The following ADGB variants were observed in gnomAD, a reference collection of about 807,000 sequenced individuals.
The protein encoded by ADGB is androglobin.
Under a neutral mutation model 210.5 loss-of-function variants are expected in ADGB, and 172 were observed. That is an observed-to-expected ratio of 0.82 (90% CI 0.72 to 0.93). The LOEUF is 0.93. ADGB is among the 40% of genes least tolerant of loss of function. The probability of loss-of-function intolerance (pLI) is 0.00; values close to 1 mark genes in which losing one functional copy is unlikely to be tolerated. For synonymous variants in ADGB, 658 were observed against 662.7 expected (o/e 0.99, Z 0.11); for missense variants, 2,025 against 1,964.8 (o/e 1.03, Z -0.58).
At chr6:146,717,700 C>T in intron 16 of ADGB, 101 bp downstream of exon 16, 1 of 577,678 alleles carries the variant, frequency 1.7e-6, no homozygotes, top group Non-Finnish European at 2.8e-6. Flanking sequence ...AAACTTGTAA[C>T]ATAGTTATAT....
At chr6:146,744,648 A>AT (rs996676701) in intron 25 of ADGB, among the ~76,000 whole-genome samples, 1 of 151,712 alleles carries the variant, frequency 6.6e-6, no homozygotes. Context: ...TGTTTGCTCT[A>AT]TTTTTTTTCA....
chr6:146,664,273 A>G lies in ADGB; in HGVS notation c.685A>G (p.Thr229Ala). 4 of 1,550,144 alleles carry G rather than the reference A, an allele frequency of 2.6e-6. No homozygotes were observed. Among genetic ancestry groups the G allele is most frequent in the Non-Finnish European group, 3.5e-6 (4 of 1,146,150 alleles). ...AGATAACAATCTATTGCTTCCAGCT[A>G]CAACTTATGAATTTGAACTGTGGCC... Reference protein sequence around the residue: ...DEDNNLLLPATTYEFELWPML... With the variant: ...DEDNNLLLPAATYEFELWPML... Residue 229 changes from threonine (T) to alanine (A), a missense_variant, in exon 6 of 36, where the codon ACA becomes GCA. Thr to Ala is a moderately conservative substitution (Grantham distance 58). Coordinates refer to ENST00000397944, the MANE Select transcript of ADGB (RefSeq NM_024694.4).
At chr6:146,624,057 G>A (rs1280831383) in intron 1 of ADGB, among the ~76,000 whole-genome samples, 1 of 151,626 alleles carries the variant, frequency 6.6e-6, no homozygotes, top group Non-Finnish European at 1.5e-5. Flanking sequence ...GTCTTGTCTG[G>A]TTTTGTTTTT....
intron 26 of ADGB, among the ~76,000 whole-genome samples, chr6:146,748,272 G>A (rs1183884977): frequency 1.3e-5 from 2 of 152,138 alleles, no homozygotes; most frequent in African/African-American, 4.8e-5. Flanking sequence ...CCAGAAGTGA[G>A]ATTATGGCAG....
intron 19 of ADGB, among the ~76,000 whole-genome samples, chr6:146,727,076 G>C (rs1226561133): frequency 1.3e-5 from 2 of 151,128 alleles, no homozygotes. Context: ...TCTTCCCTTG[G>C]TTTTAGATGT....
chr6:146,733,365 A>C, intron 21 of ADGB, 110 bp downstream of exon 21: 1 of 1,122,408 alleles, frequency 8.9e-7, no homozygotes, highest in Non-Finnish European at 1.2e-6. Context: ...GTGGACTGTC[A>C]TGGAGTTCAA....
chr6:146,647,178 T>C (rs1775631691), intron 3 of ADGB, among the ~76,000 whole-genome samples: 1 of 151,564 alleles, frequency 6.6e-6, no homozygotes, highest in Non-Finnish European at 1.5e-5. Flanking sequence ...TTCCTGGGTC[T>C]GATAGTTAAA....
At chr6:146,652,452 T>C (rs1775715974) in intron 3 of ADGB, among the ~76,000 whole-genome samples, 1 of 152,166 alleles carries the variant, frequency 6.6e-6, no homozygotes, top group Non-Finnish European at 1.5e-5. Context: ...ATGCTGCTTG[T>C]ATAGATGAGT....
intron 13 of ADGB, among the ~76,000 whole-genome samples, chr6:146,712,495 T>C (rs941679232): frequency 6.6e-6 from 1 of 151,404 alleles, no homozygotes; most frequent in African/African-American, 2.4e-5. Flanking sequence ...CCCTGGGTTG[T>C]TTTTTTTGTT....
intron 1 of ADGB, among the ~76,000 whole-genome samples, chr6:146,620,241 C>T (rs1019349067): frequency 2.0e-5 from 3 of 152,032 alleles, no homozygotes; most frequent in African/African-American, 7.2e-5. Flanking sequence ...TATGATGTGC[C>T]TTGGGGAATC....
In ADGB at chr6:146,715,417, T is replaced by A; in HGVS notation, c.1741+2T>A. 1 of 1,495,266 alleles carries A rather than the reference T, an allele frequency of 6.7e-7. No homozygotes were observed. Among genetic ancestry groups the A allele is most frequent in the Non-Finnish European group, 8.9e-7 (1 of 1,121,542 alleles). 92.6% of individuals were successfully genotyped at this position (1,495,266 alleles called of 1,614,324 possible). On this transcript the variant is annotated splice_donor_variant, in intron 14 of 35. Coordinates refer to ENST00000397944, the MANE Select transcript of ADGB (RefSeq NM_024694.4). LOFTEE classifies it high-confidence loss of function. ...CTTCACAAGTTATACTTGGAAAAGG[T>A]AAATTAATAATTTTCCTGTGACTTT...
At chr6:146,637,635 C>A (rs1417873477) in intron 2 of ADGB, among the ~76,000 whole-genome samples, 1 of 151,956 alleles carries the variant, frequency 6.6e-6, no homozygotes, top group Non-Finnish European at 1.5e-5. Flanking sequence ...CCAGCCCTAC[C>A]AAATCCTGAA....
At position 146,700,943 on chromosome 6, in the gene ADGB, A is replaced by G. The variant is rs935084272; in HGVS notation, c.1580A>G (p.His527Arg). The G allele has an allele frequency of 3.9e-6, 6 of 1,548,006 alleles. No individual in the cohort carries two copies. Among genetic ancestry groups the G allele is most frequent in the South Asian group, 1.2e-5 (1 of 83,430 alleles). Residue 527 changes from histidine to arginine, a missense_variant and splice_region_variant, in exon 13 of 36, where the codon CAT becomes CGT. By Grantham distance (29) the His-to-Arg change is conservative (BLOSUM62 0). Transcript: ENST00000397944. ...MTPFTIPTEM[H>R]FVRSLIKKGI... is the part of the protein sequence containing the mutation. ...TTGGGGTTTTGTTTTCCTTTTAGGC[A>G]TTTTGTGCGCTCCTTAATTAAGAAA...
intron 33 of ADGB, among the ~76,000 whole-genome samples, chr6:146,800,202 T>C (rs1460752077): frequency 3.9e-5 from 6 of 152,112 alleles, no homozygotes; most frequent in African/African-American, 1.4e-4. Context: ...GGTCATAAAG[T>C]TAAAAATAAT....
chr6:146,617,623 G>T (rs944389866), intron 1 of ADGB, among the ~76,000 whole-genome samples: 2 of 151,500 alleles, frequency 1.3e-5, no homozygotes, highest in African/African-American at 4.9e-5. Context: ...CCTTCTATGC[G>T]CAATTTATGT....
At chr6:146,685,584 T>C (rs1176842760) in intron 9 of ADGB, 150 bp from the exon 10 acceptor site, 2 of 457,276 alleles carry the variant, frequency 4.4e-6, no homozygotes, top group African/African-American at 4.1e-5. Flanking sequence ...CTTTGAGATT[T>C]AACATCTGTT....
At chr6:146,620,060 G>T (rs1359308884) in intron 1 of ADGB, among the ~76,000 whole-genome samples, 2 of 152,046 alleles carry the variant, frequency 1.3e-5, no homozygotes, top group Non-Finnish European at 2.9e-5. Flanking sequence ...CTTACTGTTT[G>T]GCAGTATTTT....
rs540765192 is a variant in ADGB at position 146,614,989 on chromosome 6, C to T, written c.74+15875C>T. On this transcript the variant is annotated intron_variant, in intron 1 of 35. Coordinates refer to ENST00000397944, the MANE Select transcript of ADGB (RefSeq NM_024694.4). ...GATCTCGGCTCCCTGCAGGCTTCGC[C>T]TCCCGGGTTCACGCCATTGTCTTGC... is the stretch of plus-strand genomic sequence containing the variant. Among the ~76,000 whole-genome samples, 246 of 152,272 alleles carry T rather than the reference C, an allele frequency of 1.6e-3. 2 individuals carry two copies. Among genetic ancestry groups the T allele is most frequent in the Admixed American group, 3.9e-3 (60 of 15,306 alleles).
At chr6:146,622,975 A>G (rs1319296911) in intron 1 of ADGB, among the ~76,000 whole-genome samples, 1 of 151,920 alleles carries the variant, frequency 6.6e-6, no homozygotes, top group Non-Finnish European at 1.5e-5. Context: ...TTCTTTATTC[A>G]ATTGTTTTGT....
Sources: allele counts gnomAD v4.1 joint callset (sites outside exome capture counted in the v4.1 genomes callset), GRCh38; gene constraint gnomAD v4.1.1; transcripts MANE v1.5; gene names NCBI Gene and HGNC (gene_info 2026-07-23, HGNC 2026-07-21).